RBPMS: variants seen among roughly 807,000 people sequenced by gnomAD.
RBPMS encodes the protein RNA-binding protein with multiple splicing.
A neutral mutation model predicts 26.8 loss-of-function variants in RBPMS; 7 were observed. The observed-to-expected ratio is 0.26, with a 90% CI of 0.15 to 0.49. RBPMS has a LOEUF of 0.49. Ranked by LOEUF, RBPMS falls within the 20% of genes least tolerant of loss-of-function variation. The pLI is 0.98. For missense variants in RBPMS, 186 were observed against 250.0 expected (o/e 0.74, Z 1.73); for synonymous variants, 96 against 93.3 (o/e 1.03, Z -0.17).
chr8:30,466,014 A>G (rs1299614989), intron 1 of RBPMS, among the ~76,000 whole-genome samples: 3 of 152,118 alleles, frequency 2.0e-5, no homozygotes, highest in Non-Finnish European at 2.9e-5. Flanking sequence ...CTGTGCTCCC[A>G]TTAGTCTTCC....
At chr8:30,511,944 T>G (rs1437795097) in intron 5 of RBPMS, among the ~76,000 whole-genome samples, 1 of 152,210 alleles carries the variant, frequency 6.6e-6, no homozygotes, top group Non-Finnish European at 1.5e-5. Context: ...TTTGGTGTAC[T>G]TTTTTCTCTC....
chr8:30,494,974 C>G (rs560670504), intron 4 of RBPMS, among the ~76,000 whole-genome samples: 1 of 152,206 alleles, frequency 6.6e-6, no homozygotes, highest in South Asian at 2.1e-4. Flanking sequence ...AAAAGTGAAG[C>G]CAAATGTACA....
rs1465490561 is a variant in RBPMS, at chr8:30,571,864, AAC to A, written c.*1343_*1344del. ...CACACTGACCTAAATTCAGCTGCCAAACACAGTCTTTCCTATTGATCCGCTCG... is the reference window on the plus strand; with the variant it reads ...CACACTGACCTAAATTCAGCTGCCAAACAGTCTTTCCTATTGATCCGCTCG... On this transcript the variant is annotated 3_prime_UTR_variant, in exon 9 of 9. Coordinates refer to ENST00000397323, the MANE Select transcript of RBPMS (RefSeq NM_001008710.3). 4.1e-4 allele frequency: 63 copies of A among 152,354 alleles called. No homozygotes were observed. Among genetic ancestry groups the A allele is most frequent in the African/African-American group, 1.3e-3 (53 of 41,574 alleles). The allele number at this position is 152,354 out of a possible 1,614,324, so 9.4% of individuals were successfully genotyped here.
chr8:30,508,453 C>G (rs989249193), intron 5 of RBPMS, among the ~76,000 whole-genome samples: 1 of 152,168 alleles, frequency 6.6e-6, no homozygotes, highest in Admixed American at 6.5e-5. Flanking sequence ...TCAGTTTTCT[C>G]AGCTACACAG....
chr8:30,421,761 C>T lies in RBPMS; in HGVS notation c.66+36603C>T, dbSNP rs181267525. On this transcript the variant is annotated intron_variant, in intron 1 of 8. Coordinates refer to ENST00000397323, the MANE Select transcript of RBPMS (RefSeq NM_001008710.3). ...CACAAGGTCAAGAGATCGAGACCAT[C>T]CTGGCCAACATGGTGAAATCCCGTC... 1.8e-3 allele frequency among the ~76,000 whole-genome samples: 279 copies of T among 152,144 alleles called. 1 individual carries two copies. Among genetic ancestry groups the T allele is most frequent in the African/African-American group, 6.5e-3 (268 of 41,516 alleles).
intron 6 of RBPMS, among the ~76,000 whole-genome samples, chr8:30,554,136 A>G (rs749406017): frequency 1.3e-5 from 2 of 152,204 alleles, no homozygotes; most frequent in African/African-American, 4.8e-5. Context: ...AATGTGGTGC[A>G]GGGGAAACCT....
rs552574913 is a variant in RBPMS at position 30,454,971 on chromosome 8, C to T, written c.67-19808C>T. ...CCAAGTAGCTGGGATTACAGGCACC[C>T]GCCATCACACCCGGCTAATTTTTGT... On this transcript the variant is annotated intron_variant, in intron 1 of 8. Transcript: ENST00000397323. Among the ~76,000 whole-genome samples the T allele has an allele frequency of 3.9e-5, 6 of 152,226 alleles. No individual in the cohort carries two copies. The South Asian group carries it at 8.3e-4, about 21-fold the overall frequency.
intron 1 of RBPMS, among the ~76,000 whole-genome samples, chr8:30,461,655 A>G (rs1815921145): frequency 6.6e-6 from 1 of 152,172 alleles, no homozygotes; most frequent in Non-Finnish European, 1.5e-5. Context: ...TTGACCTCCC[A>G]AAGTGCTGGG....
intron 6 of RBPMS, among the ~76,000 whole-genome samples, chr8:30,548,687 T>C (rs1187817819): frequency 1.3e-5 from 2 of 152,108 alleles, no homozygotes; most frequent in Non-Finnish European, 2.9e-5. Flanking sequence ...AAGAGAGACA[T>C]AGGCTAACCA....
chr8:30,499,241 G>T (rs954796641), intron 4 of RBPMS, among the ~76,000 whole-genome samples: 7 of 152,126 alleles, frequency 4.6e-5, no homozygotes, highest in Non-Finnish European at 7.4e-5. Context: ...CTGCACTGTA[G>T]CCTGAGTGAC....
chr8:30,429,254 T>G (rs1811681891), intron 1 of RBPMS, among the ~76,000 whole-genome samples: 1 of 152,138 alleles, frequency 6.6e-6, no homozygotes, highest in African/African-American at 2.4e-5. Context: ...GATGGCCACG[T>G]GGCTGGCTGG....
intron 7 of RBPMS, among the ~76,000 whole-genome samples, chr8:30,563,372 C>G (rs534157367): frequency 1.3e-5 from 2 of 152,252 alleles, no homozygotes; most frequent in African/African-American, 4.8e-5. Flanking sequence ...ACACTGAGAA[C>G]AGGCGAGCAT....
intron 1 of RBPMS, among the ~76,000 whole-genome samples, chr8:30,409,601 A>G (rs553603669): frequency 6.6e-6 from 1 of 152,348 alleles, no homozygotes; most frequent in African/African-American, 2.4e-5. Flanking sequence ...GACTTAGCAC[A>G]GTGAATATGC....
At position 30,442,564 on chromosome 8, in the gene RBPMS, G is replaced by C. The variant is rs1813216353; in HGVS notation, c.67-32215G>C. On this transcript the variant is annotated intron_variant, in intron 1 of 8. Transcript: ENST00000397323. ...CCCACCCCCGCAGTCTTCCTGGAAT[G>C]CTTCCTGTTTTGTTCACGGTGGGGC... 3 of 152,238 alleles carry C rather than the reference G, an allele frequency of 2.0e-5. No homozygotes were observed. The South Asian group carries it at 6.2e-4, about 32-fold the overall frequency. The allele number at this position is 152,238 out of a possible 1,614,324, so 9.4% of individuals were successfully genotyped here.
Position 30,545,063 on chromosome 8 carries a change from G to A in RBPMS, c.528+439G>A, listed in dbSNP as rs918652117. 4.7e-5 allele frequency: 65 copies of A among 1,386,966 alleles called. No homozygotes were observed. The African/African-American group carries it at 8.6e-4, about 18-fold the overall frequency. The allele number at this position is 1,386,966 out of a possible 1,614,324, so 85.9% of individuals were successfully genotyped here. On this transcript the variant is annotated intron_variant, in intron 6 of 8. Coordinates refer to ENST00000397323, the MANE Select transcript of RBPMS (RefSeq NM_001008710.3). ...AGAGTTTTCCACTCTCGTGTACGGT[G>A]AGAAGAATCTCTGACCAAAGGGAAA... is the stretch of plus-strand genomic sequence containing the variant.
At chr8:30,545,263 A>G (rs1236398778) in intron 6 of RBPMS, 10 of 1,221,132 alleles carry the variant, frequency 8.2e-6, no homozygotes, top group Non-Finnish European at 1.0e-5. Context: ...TTAGTTAAAA[A>G]TAGCCTGATT....
chr8:30,545,499 G>A (rs1207758528), intron 6 of RBPMS: 8 of 939,976 alleles, frequency 8.5e-6, no homozygotes, highest in Non-Finnish European at 1.0e-5. Flanking sequence ...CTTTCTGCAT[G>A]TGTAATTCAG....
intron 1 of RBPMS, among the ~76,000 whole-genome samples, chr8:30,445,649 G>GATATATATAT (rs59580323): frequency 0.018 from 1,919 of 107,268 alleles, 132 homozygotes; most frequent in African/African-American, 0.054. Flanking sequence ...TATACACACG[G>GATATATATAT]ATATATATAT....
chr8:30,532,483 T>C (rs1290992574), intron 5 of RBPMS, among the ~76,000 whole-genome samples: 1 of 152,226 alleles, frequency 6.6e-6, no homozygotes, highest in Non-Finnish European at 1.5e-5. Flanking sequence ...TATAATGAAC[T>C]AGGTGTTAGT....
Sources: allele counts gnomAD v4.1 joint callset (sites outside exome capture counted in the v4.1 genomes callset), GRCh38; gene constraint gnomAD v4.1.1; transcripts MANE v1.5; gene names NCBI Gene and HGNC (gene_info 2026-07-23, HGNC 2026-07-21).